The following CFAP47 variants were observed in gnomAD, a reference collection of about 807,000 sequenced individuals.
CFAP47 encodes the protein cilia and flagella associated protein 47, also known as cilia- and flagella-associated protein 47.
A neutral mutation model predicts 148.1 loss-of-function variants in CFAP47; 29 were observed. The ratio of observed to expected loss-of-function variants is 0.20; its 90% confidence interval spans 0.15 to 0.27. The LOEUF (loss-of-function observed/expected upper bound fraction) is 0.27, where lower values mean the gene tolerates loss of function less well. Among genes scored for constraint, CFAP47 ranks in the 10% least tolerant of loss-of-function variants. The pLI, the probability that CFAP47 is intolerant of heterozygous loss-of-function variation, is 1.00. For synonymous variants in CFAP47, 664 were observed against 577.3 expected (o/e 1.15, Z -2.15); for missense variants, 1,872 against 1,697.5 (o/e 1.10, Z -1.81).
Position 36,085,316 on chromosome X carries a change from A to G in CFAP47, c.4694A>G (p.Asp1565Gly), listed in dbSNP as rs1022592716. The G allele has an allele frequency of 1.7e-6, 2 of 1,152,450 alleles. No homozygotes were observed. Among genetic ancestry groups the G allele is most frequent in the African/African-American group, 1.8e-5 (1 of 55,325 alleles). The allele number at this position is 1,152,450 out of a possible 1,213,427, so 95.0% of individuals were successfully genotyped here. A position where few individuals can be genotyped will look rare whatever the true frequency, so the allele number is the denominator to read the frequency against. ...AATTTTAAGTCTTTTTCTCATAGGG[A>G]TGTATATAAAATGCAATTCTACTCA... Reference protein sequence around the residue: ...SFSIPETIRRDVYKMQFYSST... With the variant: ...SFSIPETIRRGVYKMQFYSST... The change falls in exon 30 of 64, where the codon GAT becomes GGT. Residue 1565 changes from aspartate to glycine, a missense_variant and splice_region_variant. By Grantham distance (94) the Asp-to-Gly change is moderately conservative (BLOSUM62 -1). Transcript: ENST00000378653.
chrX:36,053,615 T>C (rs1937531976), intron 26 of CFAP47, among the ~76,000 whole-genome samples: 1 of 111,623 alleles, frequency 9.0e-6, no homozygotes, highest in African/African-American at 3.3e-5. Context: ...TGAAAAGCTG[T>C]TTGTAATGGC....
chrX:36,126,024 C>A (rs994450094), intron 33 of CFAP47, among the ~76,000 whole-genome samples: 2 of 109,820 alleles, frequency 1.8e-5, no homozygotes, highest in African/African-American at 6.6e-5. Context: ...GGATAAATAC[C>A]ATAATAATTT....
chrX:36,186,691 G>A (rs1030906387), intron 40 of CFAP47, among the ~76,000 whole-genome samples: 7 of 111,206 alleles, frequency 6.3e-5, no homozygotes, highest in African/African-American at 1.6e-4. Context: ...ACCCTTAAGC[G>A]AATCAATCCA....
At chrX:36,165,095 G>T (rs1314843627) in intron 39 of CFAP47, among the ~76,000 whole-genome samples, 1 of 111,464 alleles carries the variant, frequency 9.0e-6, no homozygotes, top group Non-Finnish European at 1.9e-5. Flanking sequence ...ATGTCCTCCA[G>T]GTTCATCCAC....
At chrX:35,988,722 G>A (rs1398648280) in intron 15 of CFAP47, among the ~76,000 whole-genome samples, 1 of 111,972 alleles carries the variant, frequency 8.9e-6, no homozygotes, top group African/African-American at 3.2e-5. Context: ...AGGAAATGAT[G>A]AATCTAAACA....
Position 36,058,322 on chromosome X carries a change from A to G in CFAP47, c.4218-7321A>G, listed in dbSNP as rs1315987379. Among the ~76,000 whole-genome samples, 3 of 112,136 alleles carry G rather than the reference A, an allele frequency of 2.7e-5. No individual in the cohort carries two copies. In the East Asian group the frequency reaches 8.4e-4, roughly 31 times the overall value. On this transcript the variant is annotated intron_variant, in intron 26 of 63. Coordinates refer to ENST00000378653, the MANE Select transcript of CFAP47 (RefSeq NM_001304548.2). ...AAAATGTAATTGTATTACCTCTTAG[A>G]GTATATAATGACATTTGTAAAGTCA...
intron 35 of CFAP47, among the ~76,000 whole-genome samples, chrX:36,141,341 A>G (rs755021128): frequency 8.1e-5 from 9 of 111,566 alleles, no homozygotes; most frequent in Admixed American, 6.7e-4. Flanking sequence ...CTAAAAATTG[A>G]AGAACCTAGT....
chrX:36,247,166 A>G (rs1242156485), intron 48 of CFAP47, among the ~76,000 whole-genome samples: 1 of 111,825 alleles, frequency 8.9e-6, no homozygotes, highest in Non-Finnish European at 1.9e-5. Context: ...AAACAAAGTA[A>G]TGCAGTAACA....
chrX:36,196,008 T>C (rs188803819), intron 42 of CFAP47, among the ~76,000 whole-genome samples: 1 of 111,462 alleles, frequency 9.0e-6, no homozygotes, highest in African/African-American at 3.2e-5. Flanking sequence ...TTTTATCTTC[T>C]CAAAATGTCT....
intron 30 of CFAP47, among the ~76,000 whole-genome samples, chrX:36,098,359 C>T (rs961748798): frequency 4.3e-4 from 48 of 111,430 alleles, no homozygotes; most frequent in Non-Finnish European, 8.3e-4. Flanking sequence ...CATCTTGATT[C>T]TTGGAAATAT....
chrX:36,340,628 C>T (rs1483769411), intron 57 of CFAP47, among the ~76,000 whole-genome samples: 2 of 111,261 alleles, frequency 1.8e-5, no homozygotes, highest in Non-Finnish European at 3.8e-5. Flanking sequence ...ACACTAATAA[C>T]CTAATTTTCA....
intron 1 of CFAP47, among the ~76,000 whole-genome samples, chrX:35,924,028 T>TGTGCACATATATGTATATATGTAC (rs1372148991): frequency 1.0e-5 from 1 of 96,379 alleles, no homozygotes; most frequent in African/African-American, 4.4e-5. Context: ...TGCACATATA[T>TGTGCACATATATGTATATATGTAC]ATGCACATAT....
chrX:36,243,071 T>G, intron 48 of CFAP47, among the ~76,000 whole-genome samples: 1 of 111,628 alleles, frequency 9.0e-6, no homozygotes, highest in South Asian at 3.7e-4. Flanking sequence ...ACCAAGAATT[T>G]TATGTCCCAC....
At chrX:36,012,734 TGAC>T (rs1351835733) in intron 21 of CFAP47, among the ~76,000 whole-genome samples, 2 of 111,395 alleles carry the variant, frequency 1.8e-5, no homozygotes, top group Non-Finnish European at 3.8e-5. Flanking sequence ...AAAACCTAGA[TGAC>T]GGGTTGTTAG....
intron 61 of CFAP47, among the ~76,000 whole-genome samples, chrX:36,361,755 G>A (rs1399651112): frequency 1.8e-5 from 2 of 111,595 alleles, no homozygotes; most frequent in African/African-American, 6.5e-5. Flanking sequence ...TCACATTAAT[G>A]AAAGAGAATA....
intron 8 of CFAP47, among the ~76,000 whole-genome samples, chrX:35,963,062 G>T (rs1469145315): frequency 9.2e-6 from 1 of 109,117 alleles, no homozygotes; most frequent in Non-Finnish European, 1.9e-5. Context: ...TATGCTAAGT[G>T]AAATAAGACA....
chrX:36,351,427 A>G lies in CFAP47; in HGVS notation c.8698+1295A>G, dbSNP rs941110655. Among the ~76,000 whole-genome samples, 9 of 112,002 alleles carry G rather than the reference A, an allele frequency of 8.0e-5. No homozygotes were observed. In the South Asian group the frequency reaches 2.9e-3, roughly 36 times the overall value. On this transcript the variant is annotated intron_variant, in intron 59 of 63. Coordinates refer to ENST00000378653, the MANE Select transcript of CFAP47 (RefSeq NM_001304548.2). The stretch of plus-strand genomic sequence containing the variant: ...TGCTTAAAATTTATAATACACAGTC[A>G]TCTGATCAAAGTGATATAATAAGCC...
intron 59 of CFAP47, 101 bp downstream of exon 59, chrX:36,350,233 A>G (rs1259649395): frequency 8.6e-5 from 43 of 502,263 alleles, no homozygotes; most frequent in Non-Finnish European, 1.2e-4. Context: ...AGTAGGTAGT[A>G]ATGTGAACAG....
chrX:35,969,975 C>T (rs1253253199), intron 10 of CFAP47, among the ~76,000 whole-genome samples: 2 of 110,536 alleles, frequency 1.8e-5, no homozygotes, highest in Non-Finnish European at 3.8e-5. Context: ...AGGTTTGTTA[C>T]ATATGTATAC....
Sources: gnomAD v4.1 joint callset for allele counts (sites outside exome capture counted in the v4.1 genomes callset) on GRCh38, gnomAD v4.1.1 for gene constraint, MANE v1.5 for transcripts, NCBI Gene and HGNC (gene_info 2026-07-23, HGNC 2026-07-21) for gene names.